Variants in OXR1 observed in about 807,000 individuals in gnomAD.
OXR1 encodes the protein oxidation resistance protein 1.
In OXR1, 41 loss-of-function variants were observed where a neutral mutation model predicts 104.6. That is an observed-to-expected ratio of 0.39 (90% CI 0.31 to 0.51). The LOEUF is 0.51. Among genes scored for constraint, OXR1 ranks in the 20% least tolerant of loss-of-function variants. OXR1 has a pLI of 0.77. For missense variants in OXR1, 955 were observed against 1,031.9 expected, an observed-to-expected ratio of 0.93 and a Z score of 1.02; for synonymous variants, 348 against 348.4, an observed-to-expected ratio of 1.00 and a Z score of 0.01.
chr8:106,318,980 A>G (rs945494637), intron 1 of OXR1, among the ~76,000 whole-genome samples: 2 of 152,166 alleles, frequency 1.3e-5, no homozygotes, highest in Admixed American at 6.6e-5. Flanking sequence ...GCTTAAGTGG[A>G]TGGACTATTT....
At chr8:106,313,928 G>A (rs1813820681) in intron 1 of OXR1, among the ~76,000 whole-genome samples, 1 of 152,116 alleles carries the variant, frequency 6.6e-6, no homozygotes, top group Non-Finnish European at 1.5e-5. Flanking sequence ...AATTAAAGAA[G>A]AATGTTTTTC....
chr8:106,548,591 T>C (rs944300187), intron 3 of OXR1, among the ~76,000 whole-genome samples: 5 of 152,094 alleles, frequency 3.3e-5, no homozygotes, highest in African/African-American at 1.2e-4. Flanking sequence ...AACTAATAAG[T>C]AAGGATGAAT....
chr8:106,332,254 T>G (rs1249311843), intron 1 of OXR1, among the ~76,000 whole-genome samples: 1 of 152,198 alleles, frequency 6.6e-6, no homozygotes, highest in Non-Finnish European at 1.5e-5. Flanking sequence ...AGCTGTGTTT[T>G]AATAATCTGC....
At chr8:106,633,265 A>C (rs113827359) in intron 3 of OXR1, among the ~76,000 whole-genome samples, 3,174 of 152,182 alleles carry the variant, frequency 0.021, 89 homozygotes, top group African/African-American at 0.066. Context: ...ACAACAACAA[A>C]AAAAAAGCCA....
chr8:106,382,361 A>G (rs561763595), intron 2 of OXR1, among the ~76,000 whole-genome samples: 15 of 152,286 alleles, frequency 9.8e-5, no homozygotes, highest in East Asian at 3.9e-4. Context: ...TTAAAGGTAT[A>G]ATGTTCCATA....
intron 1 of OXR1, among the ~76,000 whole-genome samples, chr8:106,338,743 T>C (rs1177805243): frequency 6.6e-6 from 1 of 152,102 alleles, no homozygotes; most frequent in Non-Finnish European, 1.5e-5. Context: ...ACTAAATTTG[T>C]TGTAATTTTA....
Position 106,688,521 on chromosome 8 carries a change from A to G in OXR1, c.525+4162A>G, listed in dbSNP as rs539461623. On this transcript the variant is annotated intron_variant, in intron 6 of 16. Transcript: ENST00000517566. ...AATAGCAATAGAATGTAGGCATATT[A>G]AATCTTCCTTTTTAAGGATAGGCTG... Among the ~76,000 whole-genome samples the G allele has an allele frequency of 2.6e-3, 401 of 152,264 alleles. 2 individuals carry two copies. The highest frequency in any genetic ancestry group is 9.2e-3 in the African/African-American group (383 of 41,562).
chr8:106,735,053 A>G (rs776935), intron 11 of OXR1, among the ~76,000 whole-genome samples: 20,352 of 152,176 alleles, frequency 0.13, 1,613 homozygotes, highest in Non-Finnish European at 0.18. Context: ...AATTGTATAC[A>G]TGGAGTATGG....
intron 3 of OXR1, among the ~76,000 whole-genome samples, chr8:106,553,696 C>A (rs921717783): frequency 2.1e-4 from 32 of 152,222 alleles, no homozygotes; most frequent in African/African-American, 7.2e-4. Flanking sequence ...ATACTAAGAG[C>A]AAAATGTGTA....
chr8:106,423,997 C>T (rs767727134), intron 2 of OXR1, among the ~76,000 whole-genome samples: 13 of 152,156 alleles, frequency 8.5e-5, no homozygotes, highest in Non-Finnish European at 1.2e-4. Context: ...AATGCAGTGG[C>T]ATGATCTCAG....
chr8:106,594,879 G>A (rs1026883577), intron 3 of OXR1, among the ~76,000 whole-genome samples: 6 of 152,190 alleles, frequency 3.9e-5, no homozygotes, highest in Admixed American at 6.5e-5. Context: ...AGGGAAATTG[G>A]CAGGGGAATT....
intron 3 of OXR1, among the ~76,000 whole-genome samples, chr8:106,568,567 T>G (rs1817242202): frequency 6.6e-6 from 1 of 152,120 alleles, no homozygotes; most frequent in African/African-American, 2.4e-5. Flanking sequence ...TGGCAGCTCT[T>G]GAAGAGAGTT....
intron 1 of OXR1, among the ~76,000 whole-genome samples, chr8:106,346,450 G>A (rs1315020706): frequency 1.3e-5 from 2 of 152,066 alleles, no homozygotes; most frequent in African/African-American, 4.8e-5. Flanking sequence ...TGTTTCCAGT[G>A]GTCCATTTTT....
chr8:106,677,198 A>G lies in OXR1; in HGVS notation c.221-2012A>G, dbSNP rs1444503885. Among the ~76,000 whole-genome samples the G allele has an allele frequency of 2.7e-4, 12 of 45,254 alleles. No individual in the cohort carries two copies. In the South Asian group the frequency reaches 4.0e-3, roughly 15 times the overall value. The allele number at this position is 45,254 out of a possible 152,430, so 29.7% of individuals were successfully genotyped here. On this transcript the variant is annotated intron_variant, in intron 3 of 16. Coordinates refer to ENST00000517566, the MANE Select transcript of OXR1 (RefSeq NM_001198533.2). ...GTTTAAATTGCAAGTTTAATTTGCT[A>G]TTCAAAGAAATCATTTAAAAATTAT...
chr8:106,707,471 C>T (rs1430606698), intron 9 of OXR1: 1 of 461,828 alleles, frequency 2.2e-6, no homozygotes, highest in Non-Finnish European at 3.8e-6. Context: ...TCCATTTTCT[C>T]TTAAAAAGTT....
chr8:106,298,909 G>A (rs998558508), intron 1 of OXR1, among the ~76,000 whole-genome samples: 1 of 126,444 alleles, frequency 7.9e-6, no homozygotes, highest in Non-Finnish European at 1.6e-5. Context: ...TGAGAAAGAT[G>A]CATTTATATA....
chr8:106,735,842 A>T (rs1250902415), intron 11 of OXR1, among the ~76,000 whole-genome samples: 1 of 152,126 alleles, frequency 6.6e-6, no homozygotes, highest in Non-Finnish European at 1.5e-5. Context: ...GAAATATAAA[A>T]ATTAAATTCA....
At chr8:106,482,640 A>T (rs1822203004) in intron 2 of OXR1, among the ~76,000 whole-genome samples, 2 of 152,078 alleles carry the variant, frequency 1.3e-5, no homozygotes, top group South Asian at 4.1e-4. Flanking sequence ...TTATTACTGT[A>T]TTGACACAAC....
intron 2 of OXR1, among the ~76,000 whole-genome samples, chr8:106,389,099 C>T (rs1048863421): frequency 1.3e-5 from 2 of 152,112 alleles, no homozygotes; most frequent in Admixed American, 1.3e-4. Context: ...AATATCTTTC[C>T]AAACCTCAAA....
Sources: gnomAD v4.1 joint callset for allele counts (sites outside exome capture counted in the v4.1 genomes callset) on GRCh38, gnomAD v4.1.1 for gene constraint, MANE v1.5 for transcripts, NCBI Gene and HGNC (gene_info 2026-07-23, HGNC 2026-07-21) for gene names.